ADAMTSL1: variants seen among roughly 807,000 people sequenced by gnomAD.
ADAMTSL1 encodes the protein ADAMTS-like protein 1.
Under a neutral mutation model 201.8 loss-of-function variants are expected in ADAMTSL1, and 126 were observed. That is an observed-to-expected ratio of 0.62 (90% CI 0.54 to 0.72). The LOEUF (loss-of-function observed/expected upper bound fraction) is 0.72, where lower values mean the gene tolerates loss of function less well. Ranked by LOEUF, ADAMTSL1 falls within the 30% of genes least tolerant of loss-of-function variation. ADAMTSL1 has a pLI of 0.00. For missense variants in ADAMTSL1, 2,679 were observed against 2,277.8 expected (o/e 1.18, Z -3.59); for synonymous variants, 1,121 against 903.4 (o/e 1.24, Z -4.32).
intron 1 of ADAMTSL1, among the ~76,000 whole-genome samples, chr9:17,963,360 CTG>C (rs765282653): frequency 6.6e-6 from 1 of 152,130 alleles, no homozygotes; most frequent in Non-Finnish European, 1.5e-5. Context: ...AGATATTAGA[CTG>C]TGGACATTTT....
chr9:18,335,603 C>A (rs1468821323), intron 2 of ADAMTSL1, among the ~76,000 whole-genome samples: 1 of 152,112 alleles, frequency 6.6e-6, no homozygotes, highest in Non-Finnish European at 1.5e-5. Flanking sequence ...ATGTTCAAGA[C>A]AATATTACTG....
intron 2 of ADAMTSL1, among the ~76,000 whole-genome samples, chr9:18,513,974 A>G (rs1208281682): frequency 6.6e-6 from 1 of 152,050 alleles, no homozygotes; most frequent in East Asian, 1.9e-4. Context: ...AACATTCCAG[A>G]TTGTTTTTTG....
At chr9:18,470,536 G>A (rs533621970), upstream of ADAMTSL1, among the ~76,000 whole-genome samples, 1 of 152,304 alleles carries the variant, frequency 6.6e-6, no homozygotes, top group South Asian at 2.1e-4. Flanking sequence ...GCCCTGCCTA[G>A]CTCTTGAAAT....
In ADAMTSL1 at chr9:18,909,530, C is replaced by T. The variant is rs931670572; in HGVS notation, c.*982C>T. On this transcript the variant is annotated 3_prime_UTR_variant, in exon 29 of 29. Transcript: ENST00000380548. ...CGCACTAACTAACTGCTGCTGTGGGCCAGGGCCATTTTGAGCATGAATGGC... is the reference window on the plus strand; with the variant it reads ...CGCACTAACTAACTGCTGCTGTGGGTCAGGGCCATTTTGAGCATGAATGGC... 4 of 152,298 alleles carry T rather than the reference C, an allele frequency of 2.6e-5. No individual in the cohort carries two copies. Among genetic ancestry groups the T allele is most frequent in the Non-Finnish European group, 2.9e-5 (2 of 68,100 alleles). 9.4% of individuals were successfully genotyped at this position (152,298 alleles called of 1,614,324 possible).
chr9:18,728,159 GTTGCTGCATGAGTTTGGGGTAAAAATCA>G (rs532006920), intron 15 of ADAMTSL1, among the ~76,000 whole-genome samples: 28 of 152,168 alleles, frequency 1.8e-4, no homozygotes, highest in African/African-American at 6.7e-4. Flanking sequence ...CATGTATTTA[GTTGCTGCATGAGTTTGGGGTAAAAATCA>G]AGGGGTTAGG....
At chr9:18,367,056 T>C (rs972906364) in intron 2 of ADAMTSL1, among the ~76,000 whole-genome samples, 1 of 152,224 alleles carries the variant, frequency 6.6e-6, no homozygotes, top group African/African-American at 2.4e-5. Flanking sequence ...CATTTCCTCA[T>C]ATCAACTGCT....
At chr9:18,215,563 A>G (rs373607481) in intron 2 of ADAMTSL1, among the ~76,000 whole-genome samples, 2 of 152,356 alleles carry the variant, frequency 1.3e-5, no homozygotes, top group African/African-American at 2.4e-5. Context: ...GCAATCAAAA[A>G]AAATCCCATA....
chr9:18,412,770 C>A (rs1818501834), intron 2 of ADAMTSL1, among the ~76,000 whole-genome samples: 1 of 152,162 alleles, frequency 6.6e-6, no homozygotes, highest in African/African-American at 2.4e-5. Flanking sequence ...TAATTTCATT[C>A]ATGTTTAAAA....
intron 3 of ADAMTSL1, among the ~76,000 whole-genome samples, chr9:18,550,305 T>C (rs779075243): frequency 6.6e-6 from 1 of 151,736 alleles, no homozygotes; most frequent in Non-Finnish European, 1.5e-5. Context: ...TATCCTGGAG[T>C]ATTCAGGTGA....
At chr9:18,737,527 C>T (rs903495916) in intron 15 of ADAMTSL1, among the ~76,000 whole-genome samples, 5 of 152,002 alleles carry the variant, frequency 3.3e-5, no homozygotes, top group African/African-American at 9.7e-5. Context: ...CATCACTTCC[C>T]AATAGGCTTT....
intron 2 of ADAMTSL1, among the ~76,000 whole-genome samples, chr9:18,263,763 G>C (rs889009629): frequency 6.6e-6 from 1 of 152,150 alleles, no homozygotes; most frequent in African/African-American, 2.4e-5. Context: ...AAAGAGACTC[G>C]AGAAAGCTGG....
chr9:18,589,450 T>C (rs1823767228), intron 4 of ADAMTSL1, among the ~76,000 whole-genome samples: 1 of 152,212 alleles, frequency 6.6e-6, no homozygotes, highest in African/African-American at 2.4e-5. Flanking sequence ...ATTAAATTTG[T>C]TCACAAGTTA....
intron 16 of ADAMTSL1, among the ~76,000 whole-genome samples, chr9:18,761,660 T>G (rs1458803901): frequency 1.3e-5 from 2 of 152,206 alleles, no homozygotes; most frequent in Non-Finnish European, 2.9e-5. Flanking sequence ...GCATCCTGCC[T>G]CTTGCATAAG....
chr9:18,767,705 G>A (rs568234391), intron 16 of ADAMTSL1, among the ~76,000 whole-genome samples: 443 of 152,236 alleles, frequency 2.9e-3, no homozygotes, highest in African/African-American at 1.0e-2. Flanking sequence ...TAGGCAGTGC[G>A]GGTACAAAAT....
At chr9:18,384,152 C>T (rs1486343690) in intron 2 of ADAMTSL1, among the ~76,000 whole-genome samples, 1 of 152,152 alleles carries the variant, frequency 6.6e-6, no homozygotes, top group Non-Finnish European at 1.5e-5. Context: ...CTCACAGTTA[C>T]ATATGCTGTA....
intron 1 of ADAMTSL1, among the ~76,000 whole-genome samples, chr9:17,980,608 G>A (rs764907385): frequency 6.6e-6 from 1 of 152,012 alleles, no homozygotes; most frequent in Non-Finnish European, 1.5e-5. Context: ...ATGGGGTTGG[G>A]AGGTGGGGTT....
chr9:18,683,068 C>CTT (rs1830605857), intron 12 of ADAMTSL1, among the ~76,000 whole-genome samples: 2 of 152,156 alleles, frequency 1.3e-5, no homozygotes, highest in Admixed American at 1.3e-4. Flanking sequence ...GTGCCCTCAA[C>CTT]TATGGGAGGA....
At chr9:18,510,064 A>T (rs1366713766) in intron 2 of ADAMTSL1, among the ~76,000 whole-genome samples, 6 of 152,210 alleles carry the variant, frequency 3.9e-5, no homozygotes, top group Non-Finnish European at 8.8e-5. Flanking sequence ...GAGTCCAAAT[A>T]AATCCCATCT....
intron 2 of ADAMTSL1, among the ~76,000 whole-genome samples, chr9:18,184,605 T>A (rs1268888978): frequency 1.3e-5 from 2 of 152,250 alleles, no homozygotes; most frequent in African/African-American, 4.8e-5. Flanking sequence ...CCTACTGCCA[T>A]GAGTAGGCAT....
Sources: gnomAD v4.1 joint callset for allele counts (sites outside exome capture counted in the v4.1 genomes callset) on GRCh38, gnomAD v4.1.1 for gene constraint, MANE v1.5 for transcripts, NCBI Gene and HGNC (gene_info 2026-07-23, HGNC 2026-07-21) for gene names.